Variants in ZFPM1 observed in about 807,000 individuals in gnomAD.
ZFPM1 encodes zinc finger protein ZFPM1.
ZFPM1 carries 28 observed loss-of-function variants against 46.3 expected under a neutral mutation model. The ratio of observed to expected loss-of-function variants is 0.60; its 90% CI spans 0.45 to 0.83. The LOEUF (loss-of-function observed/expected upper bound fraction) is 0.83. Ranked by LOEUF, ZFPM1 falls within the 40% of genes least tolerant of loss-of-function variation. The pLI, the probability that ZFPM1 is intolerant of heterozygous loss-of-function variation, is 0.00. For synonymous variants in ZFPM1, 957 were observed against 675.9 expected (o/e 1.42, Z -6.45); for missense variants, 1,878 against 1,432.4 (o/e 1.31, Z -5.02).
chr16:88,527,902 C>G, intron 5 of ZFPM1, 130 bp from the exon 6 acceptor site: 2 of 935,328 alleles, frequency 2.1e-6, no homozygotes. Context: ...CAGGATGGCC[C>G]TGGCAGCCAG....
chr16:88,507,733 C>T (rs1254018089), intron 3 of ZFPM1, among the ~76,000 whole-genome samples: 1 of 152,202 alleles, frequency 6.6e-6, no homozygotes, highest in Non-Finnish European at 1.5e-5. Context: ...GGAAAGGCCC[C>T]CTGCAGAGAG....
At chr16:88,523,036 TC>T (rs1288541154) in intron 4 of ZFPM1, among the ~76,000 whole-genome samples, 15 of 152,046 alleles carry the variant, frequency 9.9e-5, no homozygotes, top group Admixed American at 8.5e-4. Context: ...TGAAACCCCG[TC>T]CCTACTTAAA....
intron 3 of ZFPM1, among the ~76,000 whole-genome samples, chr16:88,511,845 G>T (rs1910983077): frequency 1.3e-5 from 2 of 152,192 alleles, no homozygotes; most frequent in Non-Finnish European, 2.9e-5. Context: ...CCCCCAAGAG[G>T]CACCTTTCCC....
intron 3 of ZFPM1, among the ~76,000 whole-genome samples, chr16:88,504,468 C>G (rs961016441): frequency 6.6e-6 from 1 of 152,076 alleles, no homozygotes; most frequent in Non-Finnish European, 1.5e-5. Flanking sequence ...GGTGTTTAGC[C>G]TTCCAGAAGC....
intron 1 of ZFPM1, among the ~76,000 whole-genome samples, chr16:88,460,981 GGGA>G (rs1567525487): frequency 1.2e-4 from 6 of 49,440 alleles, no homozygotes; most frequent in Admixed American, 3.7e-4. Context: ...GAGGACCGAG[GGGA>G]GGGGCGGGAG....
chr16:88,526,811 C>T lies in ZFPM1; in HGVS notation c.403-3C>T, dbSNP rs75868157. The T allele has an allele frequency of 2.9e-5, 44 of 1,535,630 alleles. 1 individual carries two copies. In the South Asian group the frequency reaches 4.7e-4, roughly 16 times the overall value. On this transcript the variant is annotated splice_polypyrimidine_tract_variant and splice_region_variant and intron_variant, in intron 4 of 9. Coordinates refer to ENST00000319555, the MANE Select transcript of ZFPM1 (RefSeq NM_153813.3). ...CCCACGTGTTCCTACCCTCCCCCCC[C>T]AGAGCCCAGCCCTGACCCTGCTGCT...
intron 1 of ZFPM1, among the ~76,000 whole-genome samples, chr16:88,456,838 G>A (rs1907582054): frequency 6.6e-6 from 1 of 152,102 alleles, no homozygotes; most frequent in Non-Finnish European, 1.5e-5. Flanking sequence ...AGATATTGAG[G>A]GTCCACCGAG....
chr16:88,477,335 T>C (rs980051235), intron 1 of ZFPM1, among the ~76,000 whole-genome samples: 3 of 152,222 alleles, frequency 2.0e-5, no homozygotes, highest in African/African-American at 7.2e-5. Flanking sequence ...TTCAGACTCT[T>C]GAAGAGAAGC....
chr16:88,452,136 G>T (rs564064982), upstream of ZFPM1, among the ~76,000 whole-genome samples: 1 of 152,206 alleles, frequency 6.6e-6, no homozygotes, highest in Non-Finnish European at 1.5e-5. Flanking sequence ...GAGTACGGGG[G>T]ATGGGGGAGC....
At position 88,479,303 on chromosome 16, in the gene ZFPM1, C is replaced by T. The variant is rs76077855; in HGVS notation, c.41-6636C>T. On this transcript the variant is annotated intron_variant, in intron 1 of 9. Coordinates refer to ENST00000319555, the MANE Select transcript of ZFPM1 (RefSeq NM_153813.3). The stretch of plus-strand genomic sequence containing the variant: ...TCTGTGCTTCGGTTTCCCTGCTTGG[C>T]GAGATTCACGGGATGAGAGATGCTC... Among the ~76,000 whole-genome samples, 434 of 152,134 alleles carry T rather than the reference C, an allele frequency of 2.9e-3. 1 individual carries two copies. Among genetic ancestry groups the T allele is most frequent in the African/African-American group, 9.8e-3 (405 of 41,508 alleles).
At chr16:88,498,660 G>C (rs1053926345) in intron 3 of ZFPM1, among the ~76,000 whole-genome samples, 1 of 152,230 alleles carries the variant, frequency 6.6e-6, no homozygotes, top group Non-Finnish European at 1.5e-5. Flanking sequence ...GTCTGGAAAC[G>C]GTGTCCCAGG....
chr16:88,502,201 C>T (rs996857785), intron 3 of ZFPM1, among the ~76,000 whole-genome samples: 8 of 152,032 alleles, frequency 5.3e-5, no homozygotes, highest in South Asian at 2.1e-4. Context: ...GATCGGTCCC[C>T]GGAGATGGGA....
rs1908441406 is a variant in ZFPM1 at position 88,471,929 on chromosome 16, G to A, written c.41-14010G>A. Among the ~76,000 whole-genome samples the A allele has an allele frequency of 6.6e-6, 1 of 152,362 alleles. No homozygotes were observed. Among genetic ancestry groups the A allele is most frequent in the Non-Finnish European group, 1.5e-5 (1 of 68,036 alleles). On this transcript the variant is annotated intron_variant, in intron 1 of 9. Transcript: ENST00000319555. This position sits in a 1 kb window ranked among gnomAD's most constrained non-coding sequence, Gnocchi z 4.1. ...ACCTGCAGGTCCGCAAGAGCCTTGG[G>A]TGGGCCGGGGCAGGGGCCGTGTGGT...
intron 1 of ZFPM1, among the ~76,000 whole-genome samples, chr16:88,457,614 C>T (rs970051273): frequency 6.6e-6 from 1 of 152,106 alleles, no homozygotes. Context: ...TGATCCCAGC[C>T]ACGTTTTTCT....
rs67322929 is a variant in ZFPM1 at position 88,533,292 on chromosome 16, CT to C, written c.1335del (p.Leu446TrpfsTer352). 1,531,254 of 1,538,324 alleles carry C rather than the reference CT, an allele frequency of 1. 762,340 individuals are homozygous for C. Among genetic ancestry groups the C allele is most frequent in the Non-Finnish European group, 1 (1,147,345 of 1,147,470 alleles). On this transcript the variant is annotated frameshift_variant, in exon 10 of 10. Transcript: ENST00000319555. LOFTEE classifies it low-confidence loss of function (END_TRUNC). ...EATNGEARAE[P>X]LAQNGGSSEP... Reference sequence around the variant, plus strand: ...ACCAACGGAGAGGCCAGAGCGGAGCCTCTGGCCCAGAATGGAGGCAGCAGCG... The same window carrying C: ...ACCAACGGAGAGGCCAGAGCGGAGCCCTGGCCCAGAATGGAGGCAGCAGCG...
intron 2 of ZFPM1, 37 bp downstream of exon 2, chr16:88,486,080 C>CGG: frequency 6.3e-7 from 1 of 1,580,514 alleles, no homozygotes; most frequent in East Asian, 2.3e-5. Context: ...CGCCTCCAGC[C>CGG]GGGGCCTCCA....
At chr16:88,523,253 C>T (rs1257576770) in intron 4 of ZFPM1, among the ~76,000 whole-genome samples, 1 of 152,006 alleles carries the variant, frequency 6.6e-6, no homozygotes. Context: ...TCCCCAGTGC[C>T]CACAGGCAGA....
chr16:88,479,011 T>C (rs1908807681), intron 1 of ZFPM1, among the ~76,000 whole-genome samples: 1 of 152,078 alleles, frequency 6.6e-6, no homozygotes, highest in Admixed American at 6.5e-5. Flanking sequence ...GGCTCCCCAG[T>C]GGGTAGGTGG....
At chr16:88,488,588 G>A (rs540561429) in intron 2 of ZFPM1, among the ~76,000 whole-genome samples, 1 of 152,028 alleles carries the variant, frequency 6.6e-6, no homozygotes, top group African/African-American at 2.4e-5. Flanking sequence ...GGGTGGGGGG[G>A]CTTTATGGGA....
Sources: allele counts gnomAD v4.1 joint callset (sites outside exome capture counted in the v4.1 genomes callset), GRCh38; gene constraint gnomAD v4.1.1; non-coding constraint Gnocchi (gnomAD v3.1); transcripts MANE v1.5; gene names NCBI Gene and HGNC (gene_info 2026-07-23, HGNC 2026-07-21).